Variants in CSMD1 observed in about 807,000 individuals in gnomAD.
The protein encoded by CSMD1 is CUB and Sushi multiple domains 1, also known as CUB and sushi domain-containing protein 1.
A neutral mutation model predicts 417.5 loss-of-function variants in CSMD1; 213 were observed. That is an observed-to-expected ratio of 0.51 (90% CI 0.46 to 0.57). CSMD1 has a LOEUF of 0.57. Among genes scored for constraint, CSMD1 ranks in the 20% least tolerant of loss-of-function variants. CSMD1 has a pLI of 0.00. For synonymous variants in CSMD1, 2,862 were observed against 1,736.8 expected, an observed-to-expected ratio of 1.65 and a Z score of -16.11; for missense variants, 6,923 against 4,529.7, an observed-to-expected ratio of 1.53 and a Z score of -15.17.
At chr8:3,522,429 G>C (rs909986111) in intron 10 of CSMD1, among the ~76,000 whole-genome samples, 3 of 152,112 alleles carry the variant, frequency 2.0e-5, no homozygotes, top group Non-Finnish European at 4.4e-5. Context: ...TCTACCAGCA[G>C]CTTCGATTTC....
At chr8:4,068,132 G>A (rs1172919291) in intron 3 of CSMD1, among the ~76,000 whole-genome samples, 1 of 152,126 alleles carries the variant, frequency 6.6e-6, no homozygotes, top group Non-Finnish European at 1.5e-5. Context: ...TTCTTGCAGA[G>A]CCACACAGAA....
intron 1 of CSMD1, among the ~76,000 whole-genome samples, chr8:4,909,020 G>T (rs1169900403): frequency 6.6e-6 from 1 of 152,092 alleles, no homozygotes; most frequent in Non-Finnish European, 1.5e-5. Context: ...GACATGTATT[G>T]GTTAATAAAA....
chr8:3,669,859 G>C (rs558716272), intron 7 of CSMD1, among the ~76,000 whole-genome samples: 1 of 152,232 alleles, frequency 6.6e-6, no homozygotes, highest in Non-Finnish European at 1.5e-5. Flanking sequence ...ATGAACAGGA[G>C]GGGCCCAGGT....
chr8:4,983,871 T>C (rs1811032089), intron 1 of CSMD1, among the ~76,000 whole-genome samples: 2 of 152,070 alleles, frequency 1.3e-5, no homozygotes, highest in Non-Finnish European at 2.9e-5. Context: ...CAAAGATGGG[T>C]GGGCTTGAGA....
chr8:3,058,143 T>C (rs17079208), intron 49 of CSMD1, among the ~76,000 whole-genome samples: 36,984 of 152,162 alleles, frequency 0.24, 5,148 homozygotes, highest in East Asian at 0.34. Flanking sequence ...TCTCATCTGA[T>C]TGGTAGTGCT....
At chr8:4,165,872 C>G (rs1246442001) in intron 3 of CSMD1, among the ~76,000 whole-genome samples, 1 of 152,180 alleles carries the variant, frequency 6.6e-6, no homozygotes, top group Non-Finnish European at 1.5e-5. Flanking sequence ...AAGCAAATTA[C>G]TTTTGCACCA....
At chr8:4,161,580 A>G (rs1797171822) in intron 3 of CSMD1, among the ~76,000 whole-genome samples, 1 of 152,204 alleles carries the variant, frequency 6.6e-6, no homozygotes, top group South Asian at 2.1e-4. Flanking sequence ...GAGTTCATCA[A>G]GCGGTACATT....
chr8:4,977,314 C>T (rs572504162), intron 1 of CSMD1, among the ~76,000 whole-genome samples: 13 of 152,206 alleles, frequency 8.5e-5, no homozygotes, highest in East Asian at 1.9e-4. Flanking sequence ...AAGGGTTATA[C>T]GCCCTTCTAA....
chr8:4,824,731 A>G (rs182508933), intron 1 of CSMD1, among the ~76,000 whole-genome samples: 143 of 152,318 alleles, frequency 9.4e-4, no homozygotes, highest in African/African-American at 3.3e-3. Context: ...ATTACTTGGA[A>G]TAACACTGCT....
At chr8:4,944,690 C>T (rs1227975024) in intron 1 of CSMD1, among the ~76,000 whole-genome samples, 1 of 152,096 alleles carries the variant, frequency 6.6e-6, no homozygotes, top group Non-Finnish European at 1.5e-5. Flanking sequence ...AATATCATCA[C>T]CTCACACCCA....
chr8:4,562,723 C>T (rs1348815378), intron 2 of CSMD1, among the ~76,000 whole-genome samples: 5 of 152,104 alleles, frequency 3.3e-5, no homozygotes, highest in Non-Finnish European at 7.4e-5. Flanking sequence ...AAATCCTACA[C>T]TGACCTTCAG....
intron 2 of CSMD1, among the ~76,000 whole-genome samples, chr8:4,601,564 A>G (rs947442293): frequency 9.9e-5 from 15 of 152,196 alleles, no homozygotes; most frequent in African/African-American, 3.6e-4. Context: ...GGTAGTATTA[A>G]GAATTGAATA....
chr8:3,854,714 G>T lies in CSMD1; in HGVS notation c.819-100672C>A, dbSNP rs987869192. 5.3e-5 allele frequency among the ~76,000 whole-genome samples: 8 copies of T among 150,820 alleles called. No individual in the cohort carries two copies. The South Asian group carries it at 6.3e-4, about 12-fold the overall frequency. ...AGGGAGTCGGGAAGATGAGACAGCG[G>T]GGGAAATGAGTAAGAGAAACTCCAG... On this transcript the variant is annotated intron_variant, in intron 5 of 69. Transcript: ENST00000635120.
intron 2 of CSMD1, among the ~76,000 whole-genome samples, chr8:4,530,104 G>A (rs779080523): frequency 1.3e-5 from 2 of 151,194 alleles, no homozygotes; most frequent in Admixed American, 6.6e-5. Context: ...TAGTAGATAC[G>A]GGGTTTCACC....
intron 2 of CSMD1, among the ~76,000 whole-genome samples, chr8:4,567,986 G>A (rs775166171): frequency 3.3e-5 from 5 of 152,096 alleles, no homozygotes; most frequent in Non-Finnish European, 7.4e-5. Context: ...TTAACTTTGA[G>A]TATCAGTGAT....
intron 3 of CSMD1, among the ~76,000 whole-genome samples, chr8:4,282,812 T>A (rs959632647): frequency 6.6e-6 from 1 of 152,174 alleles, no homozygotes; most frequent in Non-Finnish European, 1.5e-5. Context: ...GAGTCGGGTA[T>A]ATATCAGATT....
chr8:4,383,135 C>G (rs905784701), intron 3 of CSMD1, among the ~76,000 whole-genome samples: 4 of 152,110 alleles, frequency 2.6e-5, no homozygotes, highest in African/African-American at 9.7e-5. Context: ...AACTAAGCAA[C>G]TTGATGATTT....
chr8:3,231,705 C>G (rs1798850104), intron 26 of CSMD1, among the ~76,000 whole-genome samples: 1 of 152,176 alleles, frequency 6.6e-6, no homozygotes, highest in South Asian at 2.1e-4. Context: ...GACCAAAGCT[C>G]TATCCAATAG....
intron 3 of CSMD1, among the ~76,000 whole-genome samples, chr8:4,158,383 C>T (rs1158664433): frequency 6.6e-6 from 1 of 152,002 alleles, no homozygotes; most frequent in East Asian, 1.9e-4. Context: ...ATGAATACAG[C>T]CACTAGTGCG....
Sources: allele counts gnomAD v4.1 joint callset (sites outside exome capture counted in the v4.1 genomes callset), GRCh38; gene constraint gnomAD v4.1.1; transcripts MANE v1.5; gene names NCBI Gene and HGNC (gene_info 2026-07-23, HGNC 2026-07-21).